The following SCAI variants were observed in gnomAD, a reference collection of about 807,000 sequenced individuals.
SCAI encodes the protein protein SCAI.
Under a neutral mutation model 92.2 loss-of-function variants are expected in SCAI, and 24 were observed. That is an observed-to-expected ratio of 0.26 (90% CI 0.19 to 0.37). The LOEUF (loss-of-function observed/expected upper bound fraction) is 0.37, where lower values mean the gene tolerates loss of function less well. Among genes scored for constraint, SCAI ranks in the 10% least tolerant of loss-of-function variants. SCAI has a pLI of 1.00. For missense variants in SCAI, 450 were observed against 736.2 expected, an observed-to-expected ratio of 0.61 and a Z score of 4.50; for synonymous variants, 261 against 258.6, an observed-to-expected ratio of 1.01 and a Z score of -0.09.
intron 2 of SCAI, among the ~76,000 whole-genome samples, chr9:125,115,814 G>C (rs1304266825): frequency 6.6e-6 from 1 of 152,152 alleles, no homozygotes; most frequent in African/African-American, 2.4e-5. Context: ...AGAGGAATAT[G>C]AGGGAATTTC....
intron 9 of SCAI, among the ~76,000 whole-genome samples, chr9:125,009,115 G>A (rs879622436): frequency 4.6e-5 from 7 of 151,476 alleles, no homozygotes; most frequent in Non-Finnish European, 8.8e-5. Context: ...GTCAGTAAGA[G>A]TTAAAAAAGA....
Position 125,020,689 on chromosome 9 carries a change from A to C in SCAI, c.593T>G (p.Val198Gly). Reference sequence around the variant, plus strand: ...TGTATTTACCTTTACCAGATCCTTTACAACATCCATTTTGTTGAGAAGAAG... The same window carrying C: ...TGTATTTACCTTTACCAGATCCTTTCCAACATCCATTTTGTTGAGAAGAAG... Reference protein sequence around the residue: ...VCLLLNKMDVVKDLVKELSDE... With the variant: ...VCLLLNKMDVGKDLVKELSDE... The change falls in exon 7 of 18, where the codon GTA (valine) becomes GGA (glycine). Residue 198 changes from valine (V) to glycine (G), a missense_variant. Physicochemically the swap from Val to Gly is moderately radical, Grantham distance 109 (BLOSUM62 -3). Around this residue, in one of 3 missense-constraint regions of SCAI, gnomAD observed 360 missense variants for 601.8 expected, o/e 0.60. Coordinates refer to ENST00000336505, the MANE Select transcript of SCAI (RefSeq NM_001144877.3). The C allele has an allele frequency of 6.8e-7, 1 of 1,466,952 alleles. No individual in the cohort carries two copies. The highest frequency in any genetic ancestry group is 9.4e-7 in the Non-Finnish European group (1 of 1,063,832). 90.9% of individuals were successfully genotyped at this position (1,466,952 alleles called of 1,614,324 possible). A position where few individuals can be genotyped will look rare whatever the true frequency, so the allele number is the denominator to read the frequency against.
chr9:125,114,851 G>A (rs538774409), intron 2 of SCAI, among the ~76,000 whole-genome samples: 1 of 144,480 alleles, frequency 6.9e-6, no homozygotes, highest in East Asian at 2.1e-4. Flanking sequence ...TCAGCTCACT[G>A]CAACCTCCAT....
Position 124,980,915 on chromosome 9 carries a change from G to C in SCAI, c.1327-4729C>G, listed in dbSNP as rs370467695. ...ATAAATACATGAATACCTTCTATCA[G>C]ATTATAATTAAATTTTAGGCCTGAG... On this transcript the variant is annotated intron_variant, in intron 14 of 17. Transcript: ENST00000336505. 6.6e-5 allele frequency among the ~76,000 whole-genome samples: 10 copies of C among 152,220 alleles called. No homozygotes were observed. In the South Asian group the frequency reaches 2.1e-3, roughly 32 times the overall value.
chr9:125,004,750 T>C (rs1832442087), intron 9 of SCAI, among the ~76,000 whole-genome samples: 2 of 14,964 alleles, frequency 1.3e-4, no homozygotes, highest in African/African-American at 2.6e-4. Flanking sequence ...TATATATATA[T>C]ATATATATAT....
At chr9:125,118,394 T>TG (rs1162067153) in intron 2 of SCAI, among the ~76,000 whole-genome samples, 3 of 152,268 alleles carry the variant, frequency 2.0e-5, no homozygotes, top group African/African-American at 7.2e-5. Flanking sequence ...GGCATGCACC[T>TG]GTAGTCCCAG....
chr9:125,069,818 C>T (rs1428610183), intron 2 of SCAI, among the ~76,000 whole-genome samples: 1 of 151,942 alleles, frequency 6.6e-6, no homozygotes, highest in African/African-American at 2.4e-5. Flanking sequence ...GATGTGGTTT[C>T]GCCATGTTGG....
chr9:124,983,318 T>C (rs1489359262), intron 14 of SCAI, among the ~76,000 whole-genome samples: 1 of 152,090 alleles, frequency 6.6e-6, no homozygotes, highest in Middle Eastern at 3.2e-3. Context: ...AAAAACTCTA[T>C]CTTCTGGAGC....
At chr9:125,017,292 C>A (rs999385782) in intron 9 of SCAI, among the ~76,000 whole-genome samples, 1 of 151,670 alleles carries the variant, frequency 6.6e-6, no homozygotes, top group African/African-American at 2.4e-5. Flanking sequence ...TCATCTAGTT[C>A]GGTGATATCT....
chr9:125,141,116 C>T (rs1251863628), intron 2 of SCAI, among the ~76,000 whole-genome samples: 1 of 152,046 alleles, frequency 6.6e-6, no homozygotes, highest in Non-Finnish European at 1.5e-5. Context: ...GAACGTTTTC[C>T]AATAGCTGAT....
At chr9:124,986,731 G>A (rs548353505) in intron 14 of SCAI, among the ~76,000 whole-genome samples, 99 of 152,222 alleles carry the variant, frequency 6.5e-4, no homozygotes, top group African/African-American at 2.3e-3. Context: ...TATAACTGCA[G>A]GACAGCAAAA....
At chr9:125,102,783 A>G (rs1170847425) in intron 2 of SCAI, among the ~76,000 whole-genome samples, 2 of 152,058 alleles carry the variant, frequency 1.3e-5, no homozygotes, top group African/African-American at 4.8e-5. Context: ...TTTTCAGTAG[A>G]GGCGGGGTTT....
rs536259025 is a variant in SCAI at position 125,072,848 on chromosome 9, G to A, written c.99-16841C>T. 2.6e-5 allele frequency among the ~76,000 whole-genome samples: 4 copies of A among 152,250 alleles called. No homozygotes were observed. The South Asian group carries it at 8.3e-4, about 32-fold the overall frequency. On this transcript the variant is annotated intron_variant, in intron 2 of 17. Transcript: ENST00000336505. ...TATGTCCTCATGATCCATTCATGGT[G>A]TAGCATATATCAGTATTTCCTTCCT...
intron 2 of SCAI, among the ~76,000 whole-genome samples, chr9:125,140,132 G>A (rs1835631854): frequency 6.6e-6 from 1 of 151,936 alleles, no homozygotes; most frequent in African/African-American, 2.4e-5. Context: ...GAGGTGGAAG[G>A]ATTACCAGGT....
chr9:125,135,326 G>C (rs1276304524), intron 2 of SCAI, among the ~76,000 whole-genome samples: 1 of 152,190 alleles, frequency 6.6e-6, no homozygotes, highest in Non-Finnish European at 1.5e-5. Context: ...CTATCAAAAA[G>C]AATTATTTAA....
chr9:125,076,762 G>C (rs184932496), intron 2 of SCAI, among the ~76,000 whole-genome samples: 1 of 152,034 alleles, frequency 6.6e-6, no homozygotes, highest in Non-Finnish European at 1.5e-5. Flanking sequence ...GCAGTGGCGT[G>C]ATCTCAGCTC....
At chr9:125,059,692 C>T (rs1186196594) in intron 2 of SCAI, among the ~76,000 whole-genome samples, 1 of 152,152 alleles carries the variant, frequency 6.6e-6, no homozygotes, top group Non-Finnish European at 1.5e-5. Context: ...CTATCAATTA[C>T]ACTGCAGAAA....
At chr9:125,066,832 T>C (rs985189621) in intron 2 of SCAI, among the ~76,000 whole-genome samples, 17 of 152,202 alleles carry the variant, frequency 1.1e-4, no homozygotes, top group African/African-American at 3.9e-4. Flanking sequence ...GCACCATTTC[T>C]ATGTTTAGAT....
At chr9:125,037,744 G>T (rs182601204) in intron 3 of SCAI, among the ~76,000 whole-genome samples, 1 of 151,810 alleles carries the variant, frequency 6.6e-6, no homozygotes, top group Non-Finnish European at 1.5e-5. Flanking sequence ...GTGAAAACCC[G>T]TCTCTACTAA....
Sources: allele counts gnomAD v4.1 joint callset (sites outside exome capture counted in the v4.1 genomes callset), GRCh38; gene constraint gnomAD v4.1.1; regional missense constraint gnomAD v4.1.1; transcripts MANE v1.5; gene names NCBI Gene and HGNC (gene_info 2026-07-23, HGNC 2026-07-21).